Variants in DCPS observed in about 807,000 individuals in gnomAD.
The protein encoded by DCPS is m7GpppX diphosphatase.
A neutral mutation model predicts 34.7 loss-of-function variants in DCPS; 27 were observed. The ratio of observed to expected loss-of-function variants is 0.78; its 90% CI spans 0.57 to 1.07. The LOEUF is 1.07. Ranked by LOEUF, DCPS falls within the 50% of genes least tolerant of loss-of-function variation. The pLI, the probability that DCPS is intolerant of heterozygous loss-of-function variation, is 0.00. For missense variants in DCPS, 464 were observed against 436.9 expected, an observed-to-expected ratio of 1.06 and a Z score of -0.55; for synonymous variants, 185 against 185.7, an observed-to-expected ratio of 1.00 and a Z score of 0.03.
chr11:126,325,797 T>C lies in DCPS; in HGVS notation c.377-5608T>C, dbSNP rs920734288. ...TTCCAGGGATAGATTTTTGAGGGTTTATGGTTATCCCAGGCTGTGTTTGGA... is the reference window on the plus strand; with the variant it reads ...TTCCAGGGATAGATTTTTGAGGGTTCATGGTTATCCCAGGCTGTGTTTGGA... On this transcript the variant is annotated intron_variant, in intron 2 of 5. Coordinates refer to ENST00000263579, the MANE Select transcript of DCPS (RefSeq NM_014026.6). This position sits in a 1 kb window ranked among gnomAD's most constrained non-coding sequence, Gnocchi z 4.3. 6.6e-6 allele frequency among the ~76,000 whole-genome samples: 1 copy of C among 152,170 alleles called. No homozygotes were observed. Among genetic ancestry groups the C allele is most frequent in the Non-Finnish European group, 1.5e-5 (1 of 68,022 alleles).
chr11:126,310,804 C>A (rs1951613580), intron 2 of DCPS, among the ~76,000 whole-genome samples: 1 of 152,222 alleles, frequency 6.6e-6, no homozygotes. Flanking sequence ...ACCCCGAGGG[C>A]CCTGAATGTG....
In DCPS at chr11:126,342,499, A is replaced by T. The variant is rs558389928; in HGVS notation, c.637-808A>T. On this transcript the variant is annotated intron_variant, in intron 4 of 5. Coordinates refer to ENST00000263579, the MANE Select transcript of DCPS (RefSeq NM_014026.6). The surrounding 1 kb of genome is among the most constrained non-coding windows in gnomAD (Gnocchi z 4.4). Reference sequence around the variant, plus strand: ...TCCGTATACATTCTATGCCCTATACATTCTTGCCTCCGAGTCTTTGCTCTG... The same window carrying T: ...TCCGTATACATTCTATGCCCTATACTTTCTTGCCTCCGAGTCTTTGCTCTG... 6.6e-6 allele frequency among the ~76,000 whole-genome samples: 1 copy of T among 152,118 alleles called. No individual in the cohort carries two copies. Among genetic ancestry groups the T allele is most frequent in the Admixed American group, 6.6e-5 (1 of 15,260 alleles).
In DCPS at chr11:126,338,355, G is replaced by C; in HGVS notation, c.592G>C (p.Asp198His). The change falls in exon 4 of 6, where the codon GAT becomes CAT. Residue 198 changes from aspartate to histidine, a missense_variant. Physicochemically the swap from Asp to His is moderately conservative, Grantham distance 81. Transcript: ENST00000263579. The surrounding 1 kb of genome is among the most constrained non-coding windows in gnomAD (Gnocchi z 5.4). ...RIVFENPDPS[D>H]GFVLIPDLKW... ...TGTTTTCGAGAACCCAGATCCCTCT[G>C]ATGGTTTTGTCCTCATCCCTGACCT... The C allele has an allele frequency of 6.2e-7, 1 of 1,614,206 alleles. No homozygotes were observed.
rs1416766951 is a variant in DCPS at position 126,347,726 on chromosome 11, G to A, written c.*2113G>A. Among the ~76,000 whole-genome samples the A allele has an allele frequency of 6.6e-6, 1 of 152,226 alleles. No homozygotes were observed. Among genetic ancestry groups the A allele is most frequent in the East Asian group, 1.9e-4 (1 of 5,200 alleles). ...CTGGCAGCTGCTGGGGTCTTGGCAGGAGGTTGGATGGAGGTCTTCTCCCAG... is the reference window on the plus strand; with the variant it reads ...CTGGCAGCTGCTGGGGTCTTGGCAGAAGGTTGGATGGAGGTCTTCTCCCAG... On this transcript the variant is annotated 3_prime_UTR_variant, in exon 6 of 6. Coordinates refer to ENST00000263579, the MANE Select transcript of DCPS (RefSeq NM_014026.6). This position sits in a 1 kb window ranked among gnomAD's most constrained non-coding sequence, Gnocchi z 4.2.
At chr11:126,324,629 C>CTTTTTTT (rs58091804) in intron 2 of DCPS, among the ~76,000 whole-genome samples, 1 of 99,954 alleles carries the variant, frequency 1.0e-5, no homozygotes. Context: ...ATTTTTCTGC[C>CTTTTTTT]TTTTTTTTTT....
In DCPS at chr11:126,309,211, A is replaced by G. The variant is rs967051446; in HGVS notation, c.376+2467A>G. On this transcript the variant is annotated intron_variant, in intron 2 of 5. Coordinates refer to ENST00000263579, the MANE Select transcript of DCPS (RefSeq NM_014026.6). ...CAGCTAATTTTTGTATTTTTAATAGAGATGGGGTTTCACCATGTTGGCCAG... is the reference window on the plus strand; with the variant it reads ...CAGCTAATTTTTGTATTTTTAATAGGGATGGGGTTTCACCATGTTGGCCAG... Among the ~76,000 whole-genome samples, 10 of 152,178 alleles carry G rather than the reference A, an allele frequency of 6.6e-5. No homozygotes were observed. In the East Asian group the frequency reaches 1.5e-3, roughly 24 times the overall value.
chr11:126,319,074 T>G lies in DCPS; in HGVS notation c.376+12330T>G, dbSNP rs1233451936. On this transcript the variant is annotated intron_variant, in intron 2 of 5. Transcript: ENST00000263579. The surrounding 1 kb of genome is among the most constrained non-coding windows in gnomAD (Gnocchi z 4.5). ...TTGCAGCAGATCCTCAGGGTCTTGATGGACAAGTCAGAGCTGTGTTAGTCC... is the reference window on the plus strand; with the variant it reads ...TTGCAGCAGATCCTCAGGGTCTTGAGGGACAAGTCAGAGCTGTGTTAGTCC... 6.6e-6 allele frequency among the ~76,000 whole-genome samples: 1 copy of G among 152,154 alleles called. No homozygotes were observed. The highest frequency in any genetic ancestry group is 2.4e-5 in the African/African-American group (1 of 41,430).
chr11:126,309,248 A>C (rs1283879390), intron 2 of DCPS, among the ~76,000 whole-genome samples: 1 of 151,556 alleles, frequency 6.6e-6, no homozygotes, highest in Non-Finnish European at 1.5e-5. Flanking sequence ...CTGGTCTCGA[A>C]CTCCTGATCT....
In DCPS at chr11:126,332,216, G is replaced by A. The variant is rs562152706; in HGVS notation, c.522+666G>A. On this transcript the variant is annotated intron_variant, in intron 3 of 5. Transcript: ENST00000263579. This position sits in a 1 kb window ranked among gnomAD's most constrained non-coding sequence, Gnocchi z 5.4. ...AAGAAGGCAGGACCCCATTGGCCCC[G>A]GGGATTTGGTGCAGGGACTCCATTC... Among the ~76,000 whole-genome samples, 6 of 152,310 alleles carry A rather than the reference G, an allele frequency of 3.9e-5. No individual in the cohort carries two copies. The East Asian group carries it at 5.8e-4, about 15-fold the overall frequency.
In DCPS at chr11:126,328,557, T is replaced by C. The variant is rs1274767013; in HGVS notation, c.377-2848T>C. 6.6e-6 allele frequency among the ~76,000 whole-genome samples: 1 copy of C among 152,062 alleles called. No homozygotes were observed. The highest frequency in any genetic ancestry group is 1.5e-5 in the Non-Finnish European group (1 of 67,988). On this transcript the variant is annotated intron_variant, in intron 2 of 5. Coordinates refer to ENST00000263579, the MANE Select transcript of DCPS (RefSeq NM_014026.6). The surrounding 1 kb of genome is among the most constrained non-coding windows in gnomAD (Gnocchi z 6.6). The stretch of plus-strand genomic sequence containing the variant: ...GACGCCAGTTTCCCTGCACCCTGGG[T>C]GGCTGGGGCAGGTCTCCCACAGGCC...
At position 126,347,292 on chromosome 11, in the gene DCPS, C is replaced by G. The variant is rs960738229; in HGVS notation, c.*1679C>G. Among the ~76,000 whole-genome samples the G allele has an allele frequency of 3.4e-5, 5 of 149,006 alleles. No individual in the cohort carries two copies. Among genetic ancestry groups the G allele is most frequent in the Non-Finnish European group, 7.4e-5 (5 of 67,652 alleles). On this transcript the variant is annotated 3_prime_UTR_variant, in exon 6 of 6. Coordinates refer to ENST00000263579, the MANE Select transcript of DCPS (RefSeq NM_014026.6). The surrounding 1 kb of genome is among the most constrained non-coding windows in gnomAD (Gnocchi z 4.2). ...AGGCTGGAGTGCAGTGGCACAATCT[C>G]GACTCACTGCAACCTCTGCCTCCTG...
In DCPS at chr11:126,333,170, T is replaced by G. The variant is rs1215396031; in HGVS notation, c.522+1620T>G. 2.9e-4 allele frequency among the ~76,000 whole-genome samples: 44 copies of G among 152,234 alleles called. No individual in the cohort carries two copies. Among genetic ancestry groups the G allele is most frequent in the Admixed American group, 2.9e-3 (44 of 15,286 alleles). On this transcript the variant is annotated intron_variant, in intron 3 of 5. Transcript: ENST00000263579. This position sits in a 1 kb window ranked among gnomAD's most constrained non-coding sequence, Gnocchi z 5.7. ...GTATATTCCTTATTATATACCATTA[T>G]GCAGTTCCATTCGGAGAAGAGCACA...
chr11:126,318,652 C>G (rs1231345317), intron 2 of DCPS, among the ~76,000 whole-genome samples: 1 of 152,228 alleles, frequency 6.6e-6, no homozygotes, highest in Non-Finnish European at 1.5e-5. Flanking sequence ...GGCTTCGACT[C>G]AGATCATGCA....
In DCPS at chr11:126,306,600, G is replaced by A. The variant is rs1174907714; in HGVS notation, c.232G>A (p.Glu78Lys). The change falls in exon 2 of 6, where the codon GAG becomes AAG. Residue 78 changes from glutamate (E) to lysine (K), a missense_variant. Transcript: ENST00000263579. ...VNEASGDGDG[E>K]DAVVILEKTP... is the part of the protein sequence containing the mutation. ...TGAGGCCTCTGGGGATGGGGATGGAGAGGATGCCGTTGTGATCCTGGAGAA... is the reference window on the plus strand; with the variant it reads ...TGAGGCCTCTGGGGATGGGGATGGAAAGGATGCCGTTGTGATCCTGGAGAA... 2 of 1,612,402 alleles carry A rather than the reference G, an allele frequency of 1.2e-6. No homozygotes were observed. The highest frequency in any genetic ancestry group is 1.7e-5 in the Admixed American group (1 of 59,970).
At position 126,335,045 on chromosome 11, in the gene DCPS, G is replaced by A. The variant is rs1232241179; in HGVS notation, c.523-3241G>A. Among the ~76,000 whole-genome samples, 3 of 152,234 alleles carry A rather than the reference G, an allele frequency of 2.0e-5. No individual in the cohort carries two copies. The highest frequency in any genetic ancestry group is 4.4e-5 in the Non-Finnish European group (3 of 68,046). Reference sequence around the variant, plus strand: ...TGTGCCTGCTATTGTTTCCAGCACAGAATGATGCCAGGATGGCAGCCACCA... The same window carrying A: ...TGTGCCTGCTATTGTTTCCAGCACAAAATGATGCCAGGATGGCAGCCACCA... On this transcript the variant is annotated intron_variant, in intron 3 of 5. Coordinates refer to ENST00000263579, the MANE Select transcript of DCPS (RefSeq NM_014026.6). The surrounding 1 kb of genome is among the most constrained non-coding windows in gnomAD (Gnocchi z 4.8).
chr11:126,305,303 G>C (rs991715695), intron 1 of DCPS, among the ~76,000 whole-genome samples: 15 of 148,196 alleles, frequency 1.0e-4, no homozygotes, highest in South Asian at 4.3e-4. Flanking sequence ...TAGTAGAGAT[G>C]GGGGTTTCAC....
Position 126,315,967 on chromosome 11 carries a change from C to G in DCPS, c.376+9223C>G, listed in dbSNP as rs1250442608. On this transcript the variant is annotated intron_variant, in intron 2 of 5. Coordinates refer to ENST00000263579, the MANE Select transcript of DCPS (RefSeq NM_014026.6). The surrounding 1 kb of genome is among the most constrained non-coding windows in gnomAD (Gnocchi z 6.1). ...ACCTCAAGTGATCTGCCCACCTCAC[C>G]CTTTCAAAGTGCTGGGATTACAGAT... 6.6e-6 allele frequency among the ~76,000 whole-genome samples: 1 copy of G among 152,032 alleles called. No individual in the cohort carries two copies. The highest frequency in any genetic ancestry group is 6.5e-5 in the Admixed American group (1 of 15,274).
intron 1 of DCPS, among the ~76,000 whole-genome samples, chr11:126,305,899 G>T (rs964384612): frequency 1.3e-5 from 2 of 152,166 alleles, no homozygotes; most frequent in African/African-American, 4.8e-5. Flanking sequence ...CTAGGTTCTG[G>T]TTTCTGTTTC....
At position 126,337,705 on chromosome 11, in the gene DCPS, A is replaced by C. The variant is rs1159047876; in HGVS notation, c.523-581A>C. 2 of 153,282 alleles carry C rather than the reference A, an allele frequency of 1.3e-5. No individual in the cohort carries two copies. The highest frequency in any genetic ancestry group is 2.9e-5 in the Non-Finnish European group (2 of 68,832). The allele number at this position is 153,282 out of a possible 1,614,324, so 9.5% of individuals were successfully genotyped here. The stretch of plus-strand genomic sequence containing the variant: ...ATAAACCGGCATCTGCAGCGGCTCC[A>C]GGCGGGCAGAGGTGCTGAGCCCACT... On this transcript the variant is annotated intron_variant, in intron 3 of 5. Transcript: ENST00000263579. This position sits in a 1 kb window ranked among gnomAD's most constrained non-coding sequence, Gnocchi z 5.3.
Sources: allele counts gnomAD v4.1 joint callset (sites outside exome capture counted in the v4.1 genomes callset), GRCh38; gene constraint gnomAD v4.1.1; non-coding constraint Gnocchi (gnomAD v3.1); transcripts MANE v1.5; gene names NCBI Gene and HGNC (gene_info 2026-07-23, HGNC 2026-07-21).